Variants in VTI1A observed in about 807,000 individuals in gnomAD.
The protein encoded by VTI1A is vesicle transport through interaction with t-SNAREs 1A.
A neutral mutation model predicts 34.9 loss-of-function variants in VTI1A; 22 were observed. That is an observed-to-expected ratio of 0.63 (90% CI 0.45 to 0.90). VTI1A has a LOEUF of 0.90. VTI1A is among the 40% of genes least tolerant of loss of function. The probability of loss-of-function intolerance (pLI) is 0.00; values close to 1 mark genes in which losing one functional copy is unlikely to be tolerated. For missense variants in VTI1A, 268 were observed against 275.6 expected (o/e 0.97, Z 0.20); for synonymous variants, 87 against 97.3 (o/e 0.89, Z 0.62).
At chr10:112,717,432 C>T (rs1849647758) in intron 7 of VTI1A, among the ~76,000 whole-genome samples, 1 of 152,130 alleles carries the variant, frequency 6.6e-6, no homozygotes, top group Non-Finnish European at 1.5e-5. Flanking sequence ...TGTTCTGGCT[C>T]AGGGTCTCTC....
intron 7 of VTI1A, among the ~76,000 whole-genome samples, chr10:112,790,764 GTTT>G (rs56892510): frequency 7.0e-6 from 1 of 142,334 alleles, no homozygotes; most frequent in Non-Finnish European, 1.5e-5. Flanking sequence ...ACTAAAAGAC[GTTT>G]TTTTTTTTTT....
intron 5 of VTI1A, among the ~76,000 whole-genome samples, chr10:112,546,001 C>CA (rs1851079196): frequency 7.1e-6 from 1 of 141,430 alleles, no homozygotes; most frequent in African/African-American, 2.8e-5. Context: ...TACGTGTATA[C>CA]GCGTATGTGT....
intron 7 of VTI1A, among the ~76,000 whole-genome samples, chr10:112,746,979 A>G (rs1389405382): frequency 6.6e-6 from 1 of 152,198 alleles, no homozygotes; most frequent in Non-Finnish European, 1.5e-5. Context: ...ATTTCAATTT[A>G]CAGATGAAGA....
intron 7 of VTI1A, among the ~76,000 whole-genome samples, chr10:112,724,298 T>G (rs1390522149): frequency 6.6e-6 from 1 of 152,196 alleles, no homozygotes; most frequent in African/African-American, 2.4e-5. Context: ...GTGTGTGGCC[T>G]TTAAATATGC....
At chr10:112,672,697 T>A (rs1847893785) in intron 7 of VTI1A, 1 of 152,218 alleles carries the variant, frequency 6.6e-6, no homozygotes, top group African/African-American at 2.4e-5. Context: ...TGTGTATTTA[T>A]GTGTGTGTCT....
chr10:112,550,866 T>C (rs1450245069), intron 5 of VTI1A, among the ~76,000 whole-genome samples: 1 of 152,178 alleles, frequency 6.6e-6, no homozygotes, highest in Non-Finnish European at 1.5e-5. Flanking sequence ...AGTCCTACCA[T>C]TACCCTCCAC....
At chr10:112,620,386 C>G (rs527871647) in intron 5 of VTI1A, among the ~76,000 whole-genome samples, 1 of 152,156 alleles carries the variant, frequency 6.6e-6, no homozygotes, top group African/African-American at 2.4e-5. Flanking sequence ...GCTTATGAGT[C>G]TGACAGCTAC....
At chr10:112,558,119 G>C (rs1851596904) in intron 5 of VTI1A, among the ~76,000 whole-genome samples, 1 of 152,068 alleles carries the variant, frequency 6.6e-6, no homozygotes, top group African/African-American at 2.4e-5. Context: ...CCAAAATCAA[G>C]GCACATTTAG....
intron 7 of VTI1A, among the ~76,000 whole-genome samples, chr10:112,731,646 G>A (rs574640481): frequency 6.6e-6 from 1 of 151,544 alleles, no homozygotes; most frequent in South Asian, 2.1e-4. Context: ...ACTCAGTTAA[G>A]TATATGACAT....
intron 5 of VTI1A, among the ~76,000 whole-genome samples, chr10:112,624,468 T>G (rs1180257751): frequency 6.6e-6 from 1 of 152,186 alleles, no homozygotes; most frequent in Admixed American, 6.5e-5. Context: ...ATTTTTAAAA[T>G]GGTTCTTATT....
At chr10:112,560,367 G>A (rs2134327605) in intron 5 of VTI1A, among the ~76,000 whole-genome samples, 1 of 152,136 alleles carries the variant, frequency 6.6e-6, no homozygotes, top group African/African-American at 2.4e-5. Context: ...CATGGTTTAG[G>A]TTTCTAGTTT....
At chr10:112,842,935 G>A in the VTI1A span, among the ~76,000 whole-genome samples, 1 of 152,282 alleles carries the variant, frequency 6.6e-6, no homozygotes, top group East Asian at 1.9e-4. Flanking sequence ...CACTGGAAAG[G>A]CTGGGGAAAC....
intron 7 of VTI1A, among the ~76,000 whole-genome samples, chr10:112,774,076 G>A (rs534160084): frequency 2.2e-4 from 34 of 152,320 alleles, no homozygotes; most frequent in African/African-American, 6.0e-4. Flanking sequence ...TAGCTGCAGC[G>A]CAGGACACCT....
chr10:112,679,878 GT>G (rs879647092), intron 7 of VTI1A, among the ~76,000 whole-genome samples: 2 of 152,154 alleles, frequency 1.3e-5, no homozygotes, highest in Non-Finnish European at 2.9e-5. Context: ...CCATAGGGCA[GT>G]GGTTCCTATC....
intron 7 of VTI1A, among the ~76,000 whole-genome samples, chr10:112,776,646 T>G (rs1244973370): frequency 6.6e-6 from 1 of 151,272 alleles, no homozygotes; most frequent in Non-Finnish European, 1.5e-5. Flanking sequence ...TATAATTTTC[T>G]CACTTCCAAA....
chr10:112,626,085 T>C (rs1845914042), intron 5 of VTI1A, among the ~76,000 whole-genome samples: 1 of 152,138 alleles, frequency 6.6e-6, no homozygotes. Flanking sequence ...TTTTTTGTAA[T>C]GATTTCGCAG....
intron 3 of VTI1A, 135 bp from the exon 4 acceptor site, chr10:112,526,952 G>A: frequency 1.5e-6 from 1 of 660,826 alleles, no homozygotes; most frequent in Non-Finnish European, 2.5e-6. Flanking sequence ...CACAACTTTG[G>A]TGTGCAGATT....
At chr10:112,548,788 C>T in intron 5 of VTI1A, 2 of 1,494,434 alleles carry the variant, frequency 1.3e-6, no homozygotes, top group South Asian at 1.2e-5. Context: ...CATGGGCTTG[C>T]CAGGAACCAT....
intron 5 of VTI1A, among the ~76,000 whole-genome samples, chr10:112,584,792 G>T (rs1279281506): frequency 6.6e-6 from 1 of 152,178 alleles, no homozygotes; most frequent in Non-Finnish European, 1.5e-5. Context: ...GGCGCAGGAG[G>T]TTCCATAGCC....
Sources: allele counts gnomAD v4.1 joint callset (sites outside exome capture counted in the v4.1 genomes callset), GRCh38; gene constraint gnomAD v4.1.1; transcripts MANE v1.5; gene names NCBI Gene and HGNC (gene_info 2026-07-23, HGNC 2026-07-21).